The following ZDHHC15 variants were observed in gnomAD, a reference collection of about 807,000 sequenced individuals.
ZDHHC15 encodes zDHHC palmitoyltransferase 15.
ZDHHC15 carries 19 observed loss-of-function variants against 31.7 expected under a neutral mutation model. The observed-to-expected ratio is 0.60, with a 90% confidence interval of 0.42 to 0.88. The LOEUF is 0.88. Among genes scored for constraint, ZDHHC15 ranks in the 40% least tolerant of loss-of-function variants. The pLI is 0.00. For missense variants in ZDHHC15, 209 were observed against 251.2 expected (o/e 0.83, Z 1.14); for synonymous variants, 103 against 90.0 (o/e 1.14, Z -0.82).
intron 3 of ZDHHC15, among the ~76,000 whole-genome samples, chrX:75,469,234 T>C (rs1224477840): frequency 1.8e-5 from 2 of 111,973 alleles, no homozygotes; most frequent in African/African-American, 6.5e-5. Context: ...CTTTTTAAAA[T>C]AATGTGATAA....
intron 2 of ZDHHC15, among the ~76,000 whole-genome samples, chrX:75,491,653 A>G (rs2084896119): frequency 9.0e-6 from 1 of 111,102 alleles, no homozygotes; most frequent in Admixed American, 9.6e-5. Context: ...AAAAAAAGAA[A>G]AGAATTTTCA....
chrX:75,519,596 G>C (rs965754246), intron 1 of ZDHHC15, among the ~76,000 whole-genome samples: 4 of 112,042 alleles, frequency 3.6e-5, no homozygotes, highest in Admixed American at 9.5e-5. Flanking sequence ...CTAATGTAAC[G>C]TTAGGGAGAA....
rs1569324613 is a variant in ZDHHC15, at chrX:75,430,093, T to C, written c.450-113A>G. On this transcript the variant is annotated intron_variant, in intron 5 of 11. Coordinates refer to ENST00000373367, the MANE Select transcript of ZDHHC15 (RefSeq NM_144969.3). The stretch of plus-strand genomic sequence containing the variant: ...TTTTACATGGTTCTAATAACACCCA[T>C]TCTCAGATTTCCACTATAGTGACTC... 2.0e-5 allele frequency: 16 copies of C among 805,417 alleles called. No individual in the cohort carries two copies. The East Asian group carries it at 5.6e-4, about 28-fold the overall frequency. 66.4% of individuals were successfully genotyped at this position (805,417 alleles called of 1,213,427 possible). A position where few individuals can be genotyped will look rare whatever the true frequency, so the allele number is the denominator to read the frequency against.
intron 3 of ZDHHC15, among the ~76,000 whole-genome samples, chrX:75,474,780 G>C (rs12381560): frequency 9.1e-6 from 1 of 109,798 alleles, no homozygotes; most frequent in Non-Finnish European, 1.9e-5. Flanking sequence ...TGAGTTGGCC[G>C]GGCGCGGTGG....
Position 75,384,580 on chromosome X carries a change from CAAGTT to C in ZDHHC15, c.968-5387_968-5383del, listed in dbSNP as rs935481774. The C allele has an allele frequency of 2.5e-3, 1,981 of 791,296 alleles. 3 individuals carry two copies. Among genetic ancestry groups the C allele is most frequent in the Non-Finnish European group, 3.4e-3 (1,816 of 530,437 alleles). The allele number at this position is 791,296 out of a possible 1,213,427, so 65.2% of individuals were successfully genotyped here. A position where few individuals can be genotyped will look rare whatever the true frequency, so the allele number is the denominator to read the frequency against. On this transcript the variant is annotated intron_variant, in intron 10 of 11. Transcript: ENST00000373367. ...TACTGTTGGCATTGTTGTAAACAAACAAGTTAAGGGCAAGATTCTTGCCAAGAGAA... is the reference window on the plus strand; with the variant it reads ...TACTGTTGGCATTGTTGTAAACAAACAAGGGCAAGATTCTTGCCAAGAGAA...
chrX:75,482,447 T>G (rs1416840732), intron 2 of ZDHHC15, among the ~76,000 whole-genome samples: 4 of 111,651 alleles, frequency 3.6e-5, no homozygotes, highest in Non-Finnish European at 5.7e-5. Context: ...TGAAATGGCT[T>G]AGTTTTCCTC....
intron 4 of ZDHHC15, among the ~76,000 whole-genome samples, chrX:75,438,033 C>T (rs1362464759): frequency 8.9e-6 from 1 of 112,018 alleles, no homozygotes; most frequent in African/African-American, 3.2e-5. Flanking sequence ...AAAAAATGCT[C>T]ACCATCACTG....
At chrX:75,489,162 G>C (rs748872320) in intron 2 of ZDHHC15, among the ~76,000 whole-genome samples, 11 of 112,006 alleles carry the variant, frequency 9.8e-5, no homozygotes, top group Non-Finnish European at 1.9e-4. Flanking sequence ...TCCACCTCTG[G>C]GGGCAGGGCA....
chrX:75,426,737 C>A (rs1391719827), intron 7 of ZDHHC15, among the ~76,000 whole-genome samples: 1 of 111,251 alleles, frequency 9.0e-6, no homozygotes, highest in African/African-American at 3.3e-5. Context: ...CTTCTGAATT[C>A]TTTAATCTCA....
chrX:75,459,266 C>T (rs978169152), intron 3 of ZDHHC15, among the ~76,000 whole-genome samples: 1 of 111,196 alleles, frequency 9.0e-6, no homozygotes, highest in Non-Finnish European at 1.9e-5. Flanking sequence ...TGTACATACA[C>T]CTAAGAAGAG....
chrX:75,439,329 T>C (rs2083906526), intron 4 of ZDHHC15, among the ~76,000 whole-genome samples: 1 of 111,882 alleles, frequency 8.9e-6, no homozygotes, highest in African/African-American at 3.2e-5. Context: ...TTTAACATAA[T>C]CACAAAACTT....
chrX:75,377,711 A>G (rs2083075179), intron 11 of ZDHHC15, among the ~76,000 whole-genome samples: 1 of 110,830 alleles, frequency 9.0e-6, no homozygotes, highest in African/African-American at 3.3e-5. Flanking sequence ...AGGTTCCATG[A>G]TAGGCACAAA....
chrX:75,478,928 T>C lies in ZDHHC15; in HGVS notation c.221A>G (p.Lys74Arg). ...IFVFFTWTYW[K>R]SIFTLPQQPN... ...CTGCTGTGGGAGTGTAAAGATAGAC[T>C]TCCAGTAGGTCCAGGTAAAGAACAC... is the stretch of plus-strand genomic sequence containing the variant. The change falls in exon 3 of 12, where the codon AAG (lysine) becomes AGG (arginine). Residue 74 changes from lysine (K) to arginine (R), a missense_variant. Transcript: ENST00000373367. 8.3e-7 allele frequency: 1 copy of C among 1,207,141 alleles called. No homozygotes were observed. The highest frequency in any genetic ancestry group is 1.1e-6 in the Non-Finnish European group (1 of 892,994).
intron 4 of ZDHHC15, among the ~76,000 whole-genome samples, chrX:75,435,747 A>T (rs1269101611): frequency 8.9e-6 from 1 of 112,054 alleles, no homozygotes; most frequent in Non-Finnish European, 1.9e-5. Context: ...GTTAGCTAGT[A>T]TTTTGTTGAG....
chrX:75,415,699 G>A (rs758192450), intron 10 of ZDHHC15, among the ~76,000 whole-genome samples: 11 of 112,232 alleles, frequency 9.8e-5, no homozygotes, highest in African/African-American at 3.6e-4. Context: ...AGGATATGAA[G>A]AAAAAATATA....
In ZDHHC15 at chrX:75,514,867, C is replaced by T. The variant is rs182139732; in HGVS notation, c.136+8022G>A. On this transcript the variant is annotated intron_variant, in intron 1 of 11. Transcript: ENST00000373367. Reference sequence around the variant, plus strand: ...AGAAAAGAGAGAAGAATCAAATAGACGCAATAAAAAAATGATAAAGGGGAT... The same window carrying T: ...AGAAAAGAGAGAAGAATCAAATAGATGCAATAAAAAAATGATAAAGGGGAT... Among the ~76,000 whole-genome samples, 233 of 110,972 alleles carry T rather than the reference C, an allele frequency of 2.1e-3. 1 individual carries two copies. The highest frequency in any genetic ancestry group is 6.7e-3 in the African/African-American group (206 of 30,565).
chrX:75,521,159 G>A (rs776199247), intron 1 of ZDHHC15, among the ~76,000 whole-genome samples: 2 of 110,889 alleles, frequency 1.8e-5, no homozygotes, highest in Admixed American at 9.7e-5. Context: ...TGGGTCAGGA[G>A]TCCTACTGTG....
intron 2 of ZDHHC15, among the ~76,000 whole-genome samples, chrX:75,489,911 G>C (rs765657381): frequency 1.5e-4 from 17 of 112,231 alleles, no homozygotes; most frequent in African/African-American, 5.2e-4. Context: ...TGATGGAGCT[G>C]AAAAACAAGG....
intron 1 of ZDHHC15, among the ~76,000 whole-genome samples, chrX:75,513,641 A>T (rs1602768099): frequency 9.0e-6 from 1 of 111,549 alleles, no homozygotes; most frequent in South Asian, 3.7e-4. Flanking sequence ...ACTAATATAC[A>T]CATAACGGGG....
Sources: gnomAD v4.1 joint callset for allele counts (sites outside exome capture counted in the v4.1 genomes callset) on GRCh38, gnomAD v4.1.1 for gene constraint, MANE v1.5 for transcripts, NCBI Gene and HGNC (gene_info 2026-07-23, HGNC 2026-07-21) for gene names.